The following EPB41L1 variants were observed in gnomAD, a reference collection of about 807,000 sequenced individuals.
EPB41L1 encodes the protein erythrocyte membrane protein band 4.1 like 1, also known as band 4.1-like protein 1.
EPB41L1 carries 29 observed loss-of-function variants against 97.8 expected under a neutral mutation model. The ratio of observed to expected loss-of-function variants is 0.30; its 90% CI spans 0.22 to 0.40. The LOEUF is 0.40. Among genes scored for constraint, EPB41L1 ranks in the 10% least tolerant of loss-of-function variants. The probability of loss-of-function intolerance (pLI) is 1.00; values close to 1 mark genes in which losing one functional copy is unlikely to be tolerated. For missense variants in EPB41L1, 812 were observed against 1,162.3 expected (o/e 0.70, Z 4.38); for synonymous variants, 383 against 459.2 (o/e 0.83, Z 2.12).
intron 21 of EPB41L1, 34 bp from the exon 22 acceptor site, chr20:36,229,297 CA>C: frequency 6.3e-7 from 1 of 1,580,064 alleles, no homozygotes; most frequent in Non-Finnish European, 8.7e-7. Context: ...CCCCACTCCC[CA>C]CCCCCCATTC....
Position 36,229,471 on chromosome 20 carries a change from T to A in EPB41L1, c.*131T>A. 1.2e-6 allele frequency: 1 copy of A among 862,382 alleles called. No individual in the cohort carries two copies. Among genetic ancestry groups the A allele is most frequent in the South Asian group, 1.4e-5 (1 of 73,256 alleles). 53.4% of individuals were successfully genotyped at this position (862,382 alleles called of 1,614,324 possible). On this transcript the variant is annotated 3_prime_UTR_variant, in exon 22 of 22. Coordinates refer to ENST00000338074, the MANE Select transcript of EPB41L1 (RefSeq NM_012156.2). ...CGACGTACTGTCACTGATGAGAGAC[T>A]GGGAAGGGAAAAGCATATATATATA... is the stretch of plus-strand genomic sequence containing the variant.
At chr20:36,174,783 C>T (rs1906963063) in intron 2 of EPB41L1, among the ~76,000 whole-genome samples, 1 of 152,184 alleles carries the variant, frequency 6.6e-6, no homozygotes, top group Non-Finnish European at 1.5e-5. Flanking sequence ...CCCCATTTTA[C>T]ACCTGGGGAA....
At chr20:36,103,833 G>A (rs1382840914) in intron 1 of EPB41L1, among the ~76,000 whole-genome samples, 7 of 151,592 alleles carry the variant, frequency 4.6e-5, no homozygotes, top group Admixed American at 4.6e-4. Context: ...CTCCTGAGTA[G>A]CTGGGACTAC....
intron 1 of EPB41L1, among the ~76,000 whole-genome samples, chr20:36,102,916 G>A (rs2058062934): frequency 6.6e-6 from 1 of 152,146 alleles, no homozygotes; most frequent in Non-Finnish European, 1.5e-5. Flanking sequence ...CTAATTTCCT[G>A]AGGCTCCTGG....
intron 2 of EPB41L1, among the ~76,000 whole-genome samples, chr20:36,135,156 C>T (rs2059371112): frequency 6.6e-6 from 1 of 152,160 alleles, no homozygotes; most frequent in African/African-American, 2.4e-5. Flanking sequence ...AGCCACTGCA[C>T]CCAGCCTACT....
At chr20:36,153,179 T>C (rs923498296), upstream of EPB41L1, 48 of 442,808 alleles carry the variant, frequency 1.1e-4, no homozygotes, top group Admixed American at 1.1e-3. Flanking sequence ...TAAAGGGTGC[T>C]GAGGAGAGGG....
intron 12 of EPB41L1, 111 bp downstream of exon 12, chr20:36,194,471 C>T: frequency 1.5e-6 from 2 of 1,360,776 alleles, no homozygotes; most frequent in South Asian, 1.3e-5. Flanking sequence ...AGCACCCTTA[C>T]TATGGAGTGC....
At chr20:36,157,510 C>T (rs938856750) in intron 1 of EPB41L1, among the ~76,000 whole-genome samples, 1 of 152,128 alleles carries the variant, frequency 6.6e-6, no homozygotes, top group African/African-American at 2.4e-5. Flanking sequence ...ATGACATTTA[C>T]TGGGGGCAAT....
intron 14 of EPB41L1, chr20:36,208,507 G>A (rs989769584): frequency 1.5e-5 from 4 of 274,282 alleles, no homozygotes; most frequent in African/African-American, 4.6e-5. Flanking sequence ...AGCACCTCTC[G>A]TGCTGCTCAA....
chr20:36,162,915 TC>T (rs1156933578), intron 1 of EPB41L1, among the ~76,000 whole-genome samples: 3 of 152,168 alleles, frequency 2.0e-5, no homozygotes, highest in South Asian at 4.1e-4. Flanking sequence ...CAGACTCAGC[TC>T]CCTTTTTGAT....
At chr20:36,176,384 G>T (rs541728577) in intron 3 of EPB41L1, among the ~76,000 whole-genome samples, 1 of 152,118 alleles carries the variant, frequency 6.6e-6, no homozygotes, top group Non-Finnish European at 1.5e-5. Context: ...GCTCTCGCTC[G>T]CCCCCTCTGT....
intron 14 of EPB41L1, among the ~76,000 whole-genome samples, chr20:36,203,006 C>A (rs1011327731): frequency 1.3e-5 from 2 of 152,140 alleles, no homozygotes; most frequent in South Asian, 2.1e-4. Flanking sequence ...AGTGCCCCTA[C>A]CTGACGGCAG....
At chr20:36,193,575 T>C (rs2146422527) in intron 11 of EPB41L1, among the ~76,000 whole-genome samples, 1 of 152,310 alleles carries the variant, frequency 6.6e-6, no homozygotes, top group South Asian at 2.1e-4. Flanking sequence ...TCCTTTCCTA[T>C]TCAGAAAAGC....
chr20:36,207,528 C>T lies in EPB41L1; in HGVS notation c.1669-1960C>T, dbSNP rs199608426. ...GTGAAGCAAGGTCCCTTCCAAATGACGTATCTTCAGAGGCACCCGTGGGAC... is the reference window on the plus strand; with the variant it reads ...GTGAAGCAAGGTCCCTTCCAAATGATGTATCTTCAGAGGCACCCGTGGGAC... On this transcript the variant is annotated intron_variant, in intron 14 of 21. Coordinates refer to ENST00000338074, the MANE Select transcript of EPB41L1 (RefSeq NM_012156.2). The surrounding 1 kb of genome is among the most constrained non-coding windows in gnomAD (Gnocchi z 4.9). 3.3e-5 allele frequency: 42 copies of T among 1,289,778 alleles called. No homozygotes were observed. Among genetic ancestry groups the T allele is most frequent in the Admixed American group, 6.9e-5 (3 of 43,554 alleles). 79.9% of individuals were successfully genotyped at this position (1,289,778 alleles called of 1,614,324 possible).
intron 1 of EPB41L1, among the ~76,000 whole-genome samples, chr20:36,102,281 T>G (rs2058045453): frequency 6.6e-6 from 1 of 152,154 alleles, no homozygotes; most frequent in Non-Finnish European, 1.5e-5. Context: ...GTTAAGAGTG[T>G]GCATTGTCCC....
chr20:36,167,154 G>A (rs191507654), intron 1 of EPB41L1, among the ~76,000 whole-genome samples: 78 of 152,238 alleles, frequency 5.1e-4, no homozygotes, highest in African/African-American at 1.8e-3. Context: ...TCTGAAGGTG[G>A]GAGCTGCCAA....
intron 6 of EPB41L1, among the ~76,000 whole-genome samples, chr20:36,183,035 C>G (rs927240030): frequency 7.2e-5 from 11 of 152,164 alleles, no homozygotes; most frequent in Non-Finnish European, 7.3e-5. Flanking sequence ...ATAACATGGC[C>G]TGAAGATTGG....
chr20:36,224,483 A>G (rs1228622039), intron 21 of EPB41L1, among the ~76,000 whole-genome samples: 1 of 152,074 alleles, frequency 6.6e-6, no homozygotes, highest in African/African-American at 2.4e-5. Context: ...CCCTGTCTCT[A>G]CTAAAATACA....
At chr20:36,161,532 G>A (rs2060522922) in intron 1 of EPB41L1, among the ~76,000 whole-genome samples, 1 of 151,954 alleles carries the variant, frequency 6.6e-6, no homozygotes, top group Non-Finnish European at 1.5e-5. Flanking sequence ...CTGGAGTGCA[G>A]TGGCAGGATC....
Sources: allele counts gnomAD v4.1 joint callset (sites outside exome capture counted in the v4.1 genomes callset), GRCh38; gene constraint gnomAD v4.1.1; non-coding constraint Gnocchi (gnomAD v3.1); transcripts MANE v1.5; gene names NCBI Gene and HGNC (gene_info 2026-07-23, HGNC 2026-07-21).